Variants in OIP5 observed in about 807,000 individuals in gnomAD.
OIP5 encodes Opa interacting protein 5.
In OIP5, 24 loss-of-function variants were observed where a neutral mutation model predicts 20.3. The observed-to-expected ratio is 1.18, with a 90% CI of 0.86 to 1.66. The LOEUF (loss-of-function observed/expected upper bound fraction) is 1.66. Among genes scored for constraint, OIP5 ranks in the 40% most tolerant of loss-of-function variants. The pLI, the probability that OIP5 is intolerant of heterozygous loss-of-function variation, is 0.00. For synonymous variants in OIP5, 143 were observed against 121.3 expected (o/e 1.18, Z -1.17); for missense variants, 339 against 289.5 (o/e 1.17, Z -1.24).
intron 1 of OIP5, 45 bp from the exon 2 acceptor site, chr15:41,332,026 G>C (rs10518718): frequency 3.2e-6 from 5 of 1,582,978 alleles, no homozygotes; most frequent in Non-Finnish European, 4.3e-6. Context: ...TGCGGGCCTT[G>C]AAATGGAAAA....
At chr15:41,312,161 T>C (rs1433499345) in intron 4 of OIP5, among the ~76,000 whole-genome samples, 2 of 143,024 alleles carry the variant, frequency 1.4e-5, no homozygotes, top group Non-Finnish European at 1.5e-5. Context: ...GCCTTCTTTT[T>C]TTCTTTTTTT....
At chr15:41,321,532 T>C (rs1473136044) in intron 2 of OIP5, among the ~76,000 whole-genome samples, 1 of 152,206 alleles carries the variant, frequency 6.6e-6, no homozygotes, top group East Asian at 1.9e-4. Flanking sequence ...GCTGTGTCTG[T>C]GTAGAAAGAA....
chr15:41,329,929 C>G (rs573143424), intron 2 of OIP5, among the ~76,000 whole-genome samples: 111 of 151,656 alleles, frequency 7.3e-4, no homozygotes, highest in African/African-American at 2.4e-3. Context: ...GAACTCCTGA[C>G]CTCGTGATCC....
At position 41,332,569 on chromosome 15, in the gene OIP5, C is replaced by T. The variant is rs747543408; in HGVS notation, c.-8G>A. On this transcript the variant is annotated 5_prime_UTR_variant, in exon 1 of 5. Coordinates refer to ENST00000220514, the MANE Select transcript of OIP5 (RefSeq NM_007280.2). Reference sequence around the variant, plus strand: ...CAGCGGCTGAGCCGCCATCTTCCCGCAGCCGGCGCCTTCCTTTCGAATACA... The same window carrying T: ...CAGCGGCTGAGCCGCCATCTTCCCGTAGCCGGCGCCTTCCTTTCGAATACA... 81 of 1,591,806 alleles carry T rather than the reference C, an allele frequency of 5.1e-5. No homozygotes were observed. The Admixed American group carries it at 1.4e-3, about 27-fold the overall frequency.
At chr15:41,310,163 A>G (rs970479988) in intron 4 of OIP5, among the ~76,000 whole-genome samples, 3 of 152,206 alleles carry the variant, frequency 2.0e-5, no homozygotes, top group African/African-American at 4.8e-5. Flanking sequence ...ACCAAGATGG[A>G]TATCTGGGCA....
At chr15:41,321,924 A>AAATAAAT (rs1567026474) in intron 2 of OIP5, among the ~76,000 whole-genome samples, 55 of 149,620 alleles carry the variant, frequency 3.7e-4, no homozygotes, top group African/African-American at 1.3e-3. Context: ...GATCAATAAA[A>AAATAAAT]AAATAAATAA....
Position 41,329,970 on chromosome 15 carries a change from T to C in OIP5, c.389+1945A>G, listed in dbSNP as rs150661266. On this transcript the variant is annotated intron_variant, in intron 2 of 4. Coordinates refer to ENST00000220514, the MANE Select transcript of OIP5 (RefSeq NM_007280.2). ...CCTTGGCCTCCCAAAGTGCTGGGAT[T>C]ACATGCATCAGCCACGGCGCCTGGC... Among the ~76,000 whole-genome samples, 20 of 152,334 alleles carry C rather than the reference T, an allele frequency of 1.3e-4. 1 individual carries two copies. Among genetic ancestry groups the C allele is most frequent in the African/African-American group, 4.1e-4 (17 of 41,584 alleles).
At chr15:41,322,380 T>G (rs2047835531) in intron 2 of OIP5, among the ~76,000 whole-genome samples, 1 of 152,198 alleles carries the variant, frequency 6.6e-6, no homozygotes, top group African/African-American at 2.4e-5. Context: ...ATAAATTGTA[T>G]TAATATATAG....
At chr15:41,313,744 A>G (rs1285071324) in intron 3 of OIP5, among the ~76,000 whole-genome samples, 1 of 152,162 alleles carries the variant, frequency 6.6e-6, no homozygotes, top group South Asian at 2.1e-4. Flanking sequence ...ATATACTTTT[A>G]TACTTTAAAA....
chr15:41,313,361 A>G lies in OIP5; in HGVS notation c.513-7T>C. 6.7e-7 allele frequency: 1 copy of G among 1,493,648 alleles called. No individual in the cohort carries two copies. The highest frequency in any genetic ancestry group is 1.4e-5 in the African/African-American group (1 of 72,508). 92.5% of individuals were successfully genotyped at this position (1,493,648 alleles called of 1,614,324 possible). ...TTTTGTTTTTAAGAGATAGCTAGAT[A>G]GGAAAAAAGAAAAATATTAGTGTCA... On this transcript the variant is annotated splice_region_variant and splice_polypyrimidine_tract_variant and intron_variant, in intron 3 of 4. Transcript: ENST00000220514.
chr15:41,332,544 C>T lies in OIP5; in HGVS notation c.18G>A (p.Leu6=). 1 of 1,605,550 alleles carries T rather than the reference C, an allele frequency of 6.2e-7. No homozygotes were observed. The highest frequency in any genetic ancestry group is 1.1e-5 in the South Asian group (1 of 90,402). MAAQP[L]RHRSRCATPP... ...GCGTTGCACAACGTGAGCGATGCCG[C>T]AGCGGCTGAGCCGCCATCTTCCCGC... Residue 6 remains leucine (L), a synonymous_variant, in exon 1 of 5, where the codon CTG becomes CTA. Coordinates refer to ENST00000220514, the MANE Select transcript of OIP5 (RefSeq NM_007280.2).
chr15:41,327,577 CAGG>C (rs912300022), intron 2 of OIP5, among the ~76,000 whole-genome samples: 1 of 148,296 alleles, frequency 6.7e-6, no homozygotes, highest in Non-Finnish European at 1.5e-5. Flanking sequence ...ATCACGAAGT[CAGG>C]AGATTAAGAC....
At chr15:41,323,081 A>T (rs1158630559) in intron 2 of OIP5, among the ~76,000 whole-genome samples, 1 of 152,234 alleles carries the variant, frequency 6.6e-6, no homozygotes, top group Non-Finnish European at 1.5e-5. Flanking sequence ...TCTTGTGAAT[A>T]TAGTTAACCA....
At chr15:41,322,468 A>T (rs2047836122) in intron 2 of OIP5, among the ~76,000 whole-genome samples, 1 of 152,116 alleles carries the variant, frequency 6.6e-6, no homozygotes, top group Admixed American at 6.6e-5. Flanking sequence ...ATACAATCAT[A>T]GCTCACTGCA....
Position 41,309,517 on chromosome 15 carries a change from T to A in OIP5, c.*237A>T, listed in dbSNP as rs74012258. 7.6e-3 allele frequency: 2,655 copies of A among 347,662 alleles called. 77 individuals are homozygous for A. The highest frequency in any genetic ancestry group is 0.053 in the African/African-American group (2,483 of 46,736). The allele number at this position is 347,662 out of a possible 1,614,324, so 21.5% of individuals were successfully genotyped here. A position where few individuals can be genotyped will look rare whatever the true frequency, so the allele number is the denominator to read the frequency against. On this transcript the variant is annotated 3_prime_UTR_variant, in exon 5 of 5. Transcript: ENST00000220514. ...ATTTTCAGAGATAAGTATTATGAAT[T>A]CAATAAGAATCTAAAGTAAGTTCTT...
intron 2 of OIP5, among the ~76,000 whole-genome samples, chr15:41,329,040 T>C (rs895924679): frequency 1.7e-5 from 2 of 117,126 alleles, no homozygotes; most frequent in Non-Finnish European, 3.2e-5. Context: ...TGCTCCAGCC[T>C]GGGTCAGAGC....
intron 3 of OIP5, among the ~76,000 whole-genome samples, 173 bp from the exon 4 acceptor site, chr15:41,313,527 AT>A (rs2047772310): frequency 6.6e-6 from 1 of 152,212 alleles, no homozygotes; most frequent in Admixed American, 6.5e-5. Flanking sequence ...TATAGCATCC[AT>A]GGATTCAAAC....
intron 2 of OIP5, among the ~76,000 whole-genome samples, chr15:41,321,234 C>T (rs1168661013): frequency 2.0e-5 from 3 of 149,236 alleles, no homozygotes; most frequent in Non-Finnish European, 3.0e-5. Context: ...CCAGCCGCCC[C>T]GTCCGGGAGG....
intron 3 of OIP5, among the ~76,000 whole-genome samples, chr15:41,313,646 A>G (rs1041169539): frequency 1.3e-5 from 2 of 152,170 alleles, no homozygotes; most frequent in African/African-American, 2.4e-5. Context: ...CAACTTTGTA[A>G]ATTTCCTATG....
Sources: gnomAD v4.1 joint callset for allele counts (sites outside exome capture counted in the v4.1 genomes callset) on GRCh38, gnomAD v4.1.1 for gene constraint, MANE v1.5 for transcripts, NCBI Gene and HGNC (gene_info 2026-07-23, HGNC 2026-07-21) for gene names.